MAP2K5: variants seen among roughly 807,000 people sequenced by gnomAD.
MAP2K5 encodes mitogen-activated protein kinase kinase 5.
A neutral mutation model predicts 83.1 loss-of-function variants in MAP2K5; 49 were observed. The ratio of observed to expected loss-of-function variants is 0.59; its 90% confidence interval spans 0.47 to 0.75. The LOEUF is 0.75. Ranked by LOEUF, MAP2K5 falls within the 30% of genes least tolerant of loss-of-function variation. The pLI is 0.00. For missense variants in MAP2K5, 457 were observed against 557.5 expected (o/e 0.82, Z 1.82); for synonymous variants, 202 against 191.8 (o/e 1.05, Z -0.44).
Position 67,719,331 on chromosome 15 carries a change from A to G in MAP2K5, c.1045-8585A>G, listed in dbSNP as rs1004075364. On this transcript the variant is annotated intron_variant, in intron 16 of 21. Coordinates refer to ENST00000178640, the MANE Select transcript of MAP2K5 (RefSeq NM_145160.3). This position sits in a 1 kb window ranked among gnomAD's most constrained non-coding sequence, Gnocchi z 4.6. Reference sequence around the variant, plus strand: ...ATTAAGGTACTGTGGCATAGAAACAAGCAAACCAGGCACCTCCAGGTTGAC... The same window carrying G: ...ATTAAGGTACTGTGGCATAGAAACAGGCAAACCAGGCACCTCCAGGTTGAC... Among the ~76,000 whole-genome samples the G allele has an allele frequency of 4.6e-5, 7 of 152,208 alleles. No homozygotes were observed. Among genetic ancestry groups the G allele is most frequent in the African/African-American group, 1.7e-4 (7 of 41,442 alleles).
intron 13 of MAP2K5, chr15:67,670,522 C>T: frequency 2.2e-6 from 1 of 451,352 alleles, no homozygotes; most frequent in Admixed American, 2.4e-5. Context: ...ACCAGATTTA[C>T]AGAGAAAAGC....
chr15:67,787,549 T>C (rs538251203), intron 21 of MAP2K5, among the ~76,000 whole-genome samples: 1 of 152,352 alleles, frequency 6.6e-6, no homozygotes, highest in South Asian at 2.1e-4. Flanking sequence ...CAAATGCTCA[T>C]TATAATTGCT....
At chr15:67,721,585 G>A (rs542103126) in intron 16 of MAP2K5, among the ~76,000 whole-genome samples, 2 of 152,130 alleles carry the variant, frequency 1.3e-5, no homozygotes, top group Non-Finnish European at 1.5e-5. Flanking sequence ...CAAAACATTT[G>A]TAGAGCCCAG....
At chr15:67,803,713 G>A (rs545242285) in intron 21 of MAP2K5, among the ~76,000 whole-genome samples, 21 of 152,344 alleles carry the variant, frequency 1.4e-4, no homozygotes, top group Non-Finnish European at 2.1e-4. Context: ...GTGTCCAGGG[G>A]ACAGTGCTGA....
At chr15:67,622,026 A>G (rs983106100) in intron 8 of MAP2K5, among the ~76,000 whole-genome samples, 1 of 152,056 alleles carries the variant, frequency 6.6e-6, no homozygotes, top group African/African-American at 2.4e-5. Flanking sequence ...TCTACTAAAA[A>G]TACAAAAATT....
intron 16 of MAP2K5, among the ~76,000 whole-genome samples, chr15:67,710,497 GTTTTTT>G (rs10609519): frequency 2.5e-5 from 2 of 81,010 alleles, no homozygotes; most frequent in African/African-American, 4.9e-5. Context: ...ATCTTCTGAA[GTTTTTT>G]TTTTTTTTTT....
chr15:67,550,846 A>G (rs2084495190), intron 2 of MAP2K5, among the ~76,000 whole-genome samples: 1 of 150,566 alleles, frequency 6.6e-6, no homozygotes, highest in Non-Finnish European at 1.5e-5. Flanking sequence ...ATCTTAGCTC[A>G]CTGCAACCTC....
chr15:67,750,993 A>G lies in MAP2K5; in HGVS notation c.1134+2392A>G, dbSNP rs1265581514. On this transcript the variant is annotated intron_variant, in intron 19 of 21. Transcript: ENST00000178640. This position sits in a 1 kb window ranked among gnomAD's most constrained non-coding sequence, Gnocchi z 4.2. ...AATAGCTATCGCAAAGCCCAGTGTA[A>G]CATATTTTCTTATTATGTGGATTCA... Among the ~76,000 whole-genome samples, 1 of 152,150 alleles carries G rather than the reference A, an allele frequency of 6.6e-6. No individual in the cohort carries two copies. Among genetic ancestry groups the G allele is most frequent in the Non-Finnish European group, 1.5e-5 (1 of 68,032 alleles).
At chr15:67,737,474 G>A (rs1299148803) in intron 17 of MAP2K5, among the ~76,000 whole-genome samples, 1 of 152,086 alleles carries the variant, frequency 6.6e-6, no homozygotes, top group Non-Finnish European at 1.5e-5. Context: ...GGGAGGTTTG[G>A]GAATTCTTCC....
At position 67,783,792 on chromosome 15, in the gene MAP2K5, A is replaced by G. The variant is rs1366784839; in HGVS notation, c.1242+11040A>G. 6.6e-6 allele frequency among the ~76,000 whole-genome samples: 1 copy of G among 152,184 alleles called. No individual in the cohort carries two copies. The highest frequency in any genetic ancestry group is 1.5e-5 in the Non-Finnish European group (1 of 68,030). On this transcript the variant is annotated intron_variant, in intron 21 of 21. Coordinates refer to ENST00000178640, the MANE Select transcript of MAP2K5 (RefSeq NM_145160.3). The surrounding 1 kb of genome is among the most constrained non-coding windows in gnomAD (Gnocchi z 5.1). ...AGGGGTATCTGGGGAGGCTTTGAGA[A>G]TGGAGTGACAGGTGAGCTGGGACCC...
In MAP2K5 at chr15:67,801,031, T is replaced by C. The variant is rs2090696877; in HGVS notation, c.1243-5615T>C. ...TTAAAACTGTAGCTAAAAATTTTCT[T>C]AACAGAATTTGAAACCGCTGCAGAG... On this transcript the variant is annotated intron_variant, in intron 21 of 21. Transcript: ENST00000178640. The surrounding 1 kb of genome is among the most constrained non-coding windows in gnomAD (Gnocchi z 4.8). 6.6e-6 allele frequency among the ~76,000 whole-genome samples: 1 copy of C among 152,208 alleles called. No individual in the cohort carries two copies. The highest frequency in any genetic ancestry group is 2.1e-4 in the South Asian group (1 of 4,834).
chr15:67,547,464 T>C (rs906180516), intron 1 of MAP2K5, among the ~76,000 whole-genome samples: 8 of 150,562 alleles, frequency 5.3e-5, no homozygotes, highest in Non-Finnish European at 8.9e-5. Flanking sequence ...TCTTTTTTTT[T>C]TTTTTTTTTG....
rs968164432 is a variant in MAP2K5, at chr15:67,646,677, AC to A, written c.736+209del. Among the ~76,000 whole-genome samples, 55 of 152,150 alleles carry A rather than the reference AC, an allele frequency of 3.6e-4. 1 individual carries two copies. Among genetic ancestry groups the A allele is most frequent in the Non-Finnish European group, 1.0e-4 (7 of 67,994 alleles). On this transcript the variant is annotated intron_variant, in intron 11 of 21. Coordinates refer to ENST00000178640, the MANE Select transcript of MAP2K5 (RefSeq NM_145160.3). ...ACTGTAATTTTAAGAATTGAACTTCACTTTTATTGAAAATTTAAATAGAACA... is the reference window on the plus strand; with the variant it reads ...ACTGTAATTTTAAGAATTGAACTTCATTTTATTGAAAATTTAAATAGAACA...
At chr15:67,721,368 G>C (rs1274602639) in intron 16 of MAP2K5, among the ~76,000 whole-genome samples, 2 of 151,938 alleles carry the variant, frequency 1.3e-5, no homozygotes, top group African/African-American at 2.4e-5. Context: ...GTTGTTTTTT[G>C]TTTTGGTTTT....
intron 13 of MAP2K5, among the ~76,000 whole-genome samples, chr15:67,680,446 A>G (rs2087790923): frequency 6.6e-6 from 1 of 152,220 alleles, no homozygotes; most frequent in African/African-American, 2.4e-5. Flanking sequence ...GGTATATATT[A>G]TATGATTAGT....
intron 12 of MAP2K5, among the ~76,000 whole-genome samples, chr15:67,661,249 G>A (rs188940246): frequency 6.6e-6 from 1 of 151,926 alleles, no homozygotes; most frequent in Admixed American, 6.6e-5. Context: ...TTTGAATCTG[G>A]TCTTCTATAA....
At position 67,690,082 on chromosome 15, in the gene MAP2K5, GTTC is replaced by G. The variant is rs1002480406; in HGVS notation, c.848-2390_848-2388del. 2.0e-5 allele frequency among the ~76,000 whole-genome samples: 3 copies of G among 152,130 alleles called. No homozygotes were observed. Among genetic ancestry groups the G allele is most frequent in the East Asian group, 1.9e-4 (1 of 5,204 alleles). The stretch of plus-strand genomic sequence containing the variant: ...TGTATTTTATATGTGGTCCAAGACA[GTTC>G]TTCTTCCAATGTGGCCCAGGGAAGC... On this transcript the variant is annotated intron_variant, in intron 13 of 21. Transcript: ENST00000178640. The surrounding 1 kb of genome is among the most constrained non-coding windows in gnomAD (Gnocchi z 4.3).
At chr15:67,679,913 T>C (rs1187984272) in intron 13 of MAP2K5, 2 of 152,216 alleles carry the variant, frequency 1.3e-5, no homozygotes, top group African/African-American at 4.8e-5. Context: ...ACCATAACCA[T>C]AATCCAGTTT....
intron 8 of MAP2K5, among the ~76,000 whole-genome samples, chr15:67,629,569 T>C (rs2086415585): frequency 6.6e-6 from 1 of 152,156 alleles, no homozygotes; most frequent in Non-Finnish European, 1.5e-5. Flanking sequence ...GGTTTTATTT[T>C]TGTTTTAAGA....
Sources: gnomAD v4.1 joint callset for allele counts (sites outside exome capture counted in the v4.1 genomes callset) on GRCh38, gnomAD v4.1.1 for gene constraint, Gnocchi (gnomAD v3.1) non-coding constraint, MANE v1.5 for transcripts, NCBI Gene and HGNC (gene_info 2026-07-23, HGNC 2026-07-21) for gene names.